Variants in TSC1 observed in about 807,000 individuals in gnomAD.
The protein encoded by TSC1 is hamartin.
In TSC1, 20 loss-of-function variants were observed where a neutral mutation model predicts 124.3. That is an observed-to-expected ratio of 0.16 (90% CI 0.11 to 0.23). TSC1 has a LOEUF of 0.23. Among genes scored for constraint, TSC1 ranks in the 10% least tolerant of loss-of-function variants. The pLI, the probability that TSC1 is intolerant of heterozygous loss-of-function variation, is 1.00. For missense variants in TSC1, 1,124 were observed against 1,448.5 expected (o/e 0.78, Z 3.64); for synonymous variants, 493 against 539.1 (o/e 0.91, Z 1.19).
rs751247705 is a variant in TSC1, at chr9:132,905,770, G to A, written c.1808C>T (p.Pro603Leu). The change falls in exon 15 of 23, where the codon CCG becomes CTG. Residue 603 changes from proline (P) to leucine (L), a missense_variant. By Grantham distance (98) the Pro-to-Leu change is moderately conservative. Transcript: ENST00000298552. ...TGCCACCTCAAAAAGATGATCATAC[G>A]GGGGAGGCTGCCCGCTTCCAAAGCC... is the stretch of plus-strand genomic sequence containing the variant. Reference protein sequence around the residue: ...RVGFGSGQPPPYDHLFEVALP... With the variant: ...RVGFGSGQPPLYDHLFEVALP... 4.4e-5 allele frequency: 71 copies of A among 1,614,064 alleles called. No individual in the cohort carries two copies. Among genetic ancestry groups the A allele is most frequent in the Middle Eastern group, 1.6e-4 (1 of 6,084 alleles).
upstream of TSC1, chr9:132,944,675 G>C: frequency 2.5e-6 from 1 of 398,800 alleles, no homozygotes. Context: ...ACGAAAAAGA[G>C]TCCCCCTCCG....
intron 12 of TSC1, among the ~76,000 whole-genome samples, chr9:132,908,692 C>T (rs1330630508): frequency 1.3e-5 from 2 of 151,566 alleles, no homozygotes; most frequent in Non-Finnish European, 2.9e-5. Flanking sequence ...AAGCAATCTA[C>T]CTCCCTTGGA....
upstream of TSC1, chr9:132,944,672 A>G: frequency 2.5e-6 from 1 of 398,770 alleles, no homozygotes; most frequent in Non-Finnish European, 4.4e-6. Context: ...GCCACGAAAA[A>G]GAGTCCCCCT....
chr9:132,917,083 G>A (rs1205173825), intron 8 of TSC1, among the ~76,000 whole-genome samples: 1 of 152,094 alleles, frequency 6.6e-6, no homozygotes, highest in African/African-American at 2.4e-5. Context: ...AATTTTGAAG[G>A]TATTTCAGAA....
rs921116321 is a variant in TSC1 at position 132,921,696 on chromosome 9, G to A, written c.663+123C>T. 2 of 1,319,368 alleles carry A rather than the reference G, an allele frequency of 1.5e-6. No homozygotes were observed. Among genetic ancestry groups the A allele is most frequent in the Non-Finnish European group, 2.2e-6 (2 of 924,632 alleles). 81.7% of individuals were successfully genotyped at this position (1,319,368 alleles called of 1,614,324 possible). On this transcript the variant is annotated intron_variant, in intron 7 of 22. Transcript: ENST00000298552. The surrounding 1 kb of genome is among the most constrained non-coding windows in gnomAD (Gnocchi z 4.3). ...TTAGTGGCTGCCTAGGGATTGGAGT[G>A]GCGAGGAAGAAAACTGAATTTCTTT...
At chr9:132,932,361 C>G (rs1172634919) in intron 2 of TSC1, among the ~76,000 whole-genome samples, 1 of 152,198 alleles carries the variant, frequency 6.6e-6, no homozygotes, top group Admixed American at 6.5e-5. Flanking sequence ...CACATCTAAT[C>G]CATCAGCAAA....
chr9:132,895,873 T>C lies in TSC1; in HGVS notation c.*362A>G. On this transcript the variant is annotated 3_prime_UTR_variant, in exon 23 of 23. Coordinates refer to ENST00000298552, the MANE Select transcript of TSC1 (RefSeq NM_000368.5). Reference sequence around the variant, plus strand: ...ATCTGAACTTCGGGAAAGCAGAAAGTGGTGTGTTAGACTCAAAGATTAAAT... The same window carrying C: ...ATCTGAACTTCGGGAAAGCAGAAAGCGGTGTGTTAGACTCAAAGATTAAAT... 2.8e-6 allele frequency: 1 copy of C among 352,684 alleles called. No individual in the cohort carries two copies. Among genetic ancestry groups the C allele is most frequent in the Non-Finnish European group, 5.3e-6 (1 of 189,844 alleles). 21.8% of individuals were successfully genotyped at this position (352,684 alleles called of 1,614,324 possible).
At chr9:132,898,155 C>T (rs1314883573) in intron 20 of TSC1, among the ~76,000 whole-genome samples, 2 of 152,204 alleles carry the variant, frequency 1.3e-5, no homozygotes, top group Non-Finnish European at 2.9e-5. Flanking sequence ...CTGACAATAG[C>T]GCAGGTGAGG....
intron 12 of TSC1, chr9:132,910,267 C>T (rs1249292880): frequency 6.8e-6 from 4 of 590,224 alleles, no homozygotes; most frequent in East Asian, 2.8e-5. Context: ...TGCCACTGCA[C>T]TCCACCCTGG....
intron 1 of TSC1, among the ~76,000 whole-genome samples, chr9:132,937,889 ATT>A (rs1179862320): frequency 6.6e-6 from 1 of 151,862 alleles, no homozygotes; most frequent in Non-Finnish European, 1.5e-5. Context: ...TAATTTTTGT[ATT>A]TTTTTGTAGA....
intron 9 of TSC1, 53 bp from the exon 10 acceptor site, chr9:132,911,621 T>C (rs2131984862): frequency 6.1e-6 from 3 of 493,404 alleles, no homozygotes; most frequent in South Asian, 4.7e-5. Flanking sequence ...TAGGTTATTC[T>C]GGTTAAAAAA....
At chr9:132,934,888 T>C (rs1428138805) in intron 2 of TSC1, 145 bp downstream of exon 2, 1 of 396,358 alleles carries the variant, frequency 2.5e-6, no homozygotes, top group Non-Finnish European at 4.4e-6. Context: ...TAATCATCAG[T>C]AATGTGACTA....
intron 8 of TSC1, among the ~76,000 whole-genome samples, chr9:132,917,491 C>A (rs982096997): frequency 3.3e-5 from 5 of 152,054 alleles, no homozygotes; most frequent in African/African-American, 1.2e-4. Flanking sequence ...CCACCATGCC[C>A]GACTAATTTT....
At chr9:132,941,881 A>T (rs932225337) in intron 1 of TSC1, 3 of 152,218 alleles carry the variant, frequency 2.0e-5, no homozygotes, top group African/African-American at 7.2e-5. Flanking sequence ...ATACTCATTA[A>T]TTTACATTCC....
At chr9:132,915,914 T>C (rs950298573) in intron 8 of TSC1, among the ~76,000 whole-genome samples, 1 of 152,212 alleles carries the variant, frequency 6.6e-6, no homozygotes, top group Non-Finnish European at 1.5e-5. Flanking sequence ...TTAATGGGGA[T>C]AGGCTCCTAT....
In TSC1 at chr9:132,911,584, A is replaced by G. The variant is rs756201465; in HGVS notation, c.914-16T>C. On this transcript the variant is annotated splice_polypyrimidine_tract_variant and intron_variant, in intron 9 of 22. Coordinates refer to ENST00000298552, the MANE Select transcript of TSC1 (RefSeq NM_000368.5). ...GTAGCACACCCTAAAATGGAAGAGA[A>G]GAACACAGGGGGTTAGTGTGTGGTT... The G allele has an allele frequency of 7.5e-7, 1 of 1,338,712 alleles. No homozygotes were observed. Among genetic ancestry groups the G allele is most frequent in the Admixed American group, 1.7e-5 (1 of 58,926 alleles). The allele number at this position is 1,338,712 out of a possible 1,614,324, so 82.9% of individuals were successfully genotyped here.
intron 2 of TSC1, among the ~76,000 whole-genome samples, chr9:132,929,331 C>T (rs115209142): frequency 0.012 from 1,795 of 152,202 alleles, 39 homozygotes; most frequent in African/African-American, 0.041. Flanking sequence ...CTTTTTTCAG[C>T]AAAAGAACTA....
At chr9:132,920,050 T>A (rs890970053) in intron 8 of TSC1, among the ~76,000 whole-genome samples, 1 of 152,248 alleles carries the variant, frequency 6.6e-6, no homozygotes, top group African/African-American at 2.4e-5. Context: ...ATTTCACGCA[T>A]GTCCAGTGCC....
intron 12 of TSC1, chr9:132,910,341 A>C: frequency 1.5e-6 from 1 of 666,008 alleles, no homozygotes; most frequent in South Asian, 1.9e-5. Flanking sequence ...AGTAGGTTTG[A>C]CCTGCTGGGT....
Sources: allele counts gnomAD v4.1 joint callset (sites outside exome capture counted in the v4.1 genomes callset), GRCh38; gene constraint gnomAD v4.1.1; non-coding constraint Gnocchi (gnomAD v3.1); transcripts MANE v1.5; gene names NCBI Gene and HGNC (gene_info 2026-07-23, HGNC 2026-07-21).